SEL1L: variants seen among roughly 807,000 people sequenced by gnomAD.
SEL1L encodes SEL1L adaptor subunit of SYVN1 ubiquitin ligase, also known as protein sel-1 homolog 1.
SEL1L carries 52 observed loss-of-function variants against 109.8 expected under a neutral mutation model. That is an observed-to-expected ratio of 0.47 (90% CI 0.38 to 0.60). The LOEUF (loss-of-function observed/expected upper bound fraction) is 0.60, where lower values mean the gene tolerates loss of function less well. SEL1L is among the 20% of genes least tolerant of loss of function. The pLI is 0.00. For synonymous variants in SEL1L, 373 were observed against 339.6 expected (o/e 1.10, Z -1.08); for missense variants, 749 against 962.2 (o/e 0.78, Z 2.93).
chr14:81,491,629 CCTTA>C (rs1260305903), intron 12 of SEL1L, among the ~76,000 whole-genome samples: 2 of 152,144 alleles, frequency 1.3e-5, no homozygotes, highest in African/African-American at 2.4e-5. Context: ...ATCTAAACTT[CCTTA>C]CTTTAGGATT....
chr14:81,527,178 C>A (rs1360730897), intron 2 of SEL1L, among the ~76,000 whole-genome samples: 1 of 152,098 alleles, frequency 6.6e-6, no homozygotes, highest in African/African-American at 2.4e-5. Flanking sequence ...GATGTTACTT[C>A]CCCCAGAAGC....
intron 8 of SEL1L, 120 bp from the exon 9 acceptor site, chr14:81,498,614 C>T: frequency 1.5e-6 from 1 of 683,620 alleles, no homozygotes; most frequent in East Asian, 2.7e-5. Context: ...AGTACACTAA[C>T]ACCTTATTTA....
intron 19 of SEL1L, among the ~76,000 whole-genome samples, chr14:81,483,359 T>C (rs1903418414): frequency 6.6e-6 from 1 of 152,240 alleles, no homozygotes; most frequent in Admixed American, 6.5e-5. Flanking sequence ...CAACTGTGAC[T>C]AGTAATATCT....
rs1403449816 is a variant in SEL1L, at chr14:81,472,838, A to C, written c.*4134T>G. 2 of 231,052 alleles carry C rather than the reference A, an allele frequency of 8.7e-6. No homozygotes were observed. Among genetic ancestry groups the C allele is most frequent in the Non-Finnish European group, 1.7e-5 (2 of 115,094 alleles). The allele number at this position is 231,052 out of a possible 1,614,324, so 14.3% of individuals were successfully genotyped here. On this transcript the variant is annotated 3_prime_UTR_variant, in exon 21 of 21. Transcript: ENST00000336735. Reference sequence around the variant, plus strand: ...TTCAGAAGCTTCTGAATTTCCAAAAAACATTAAAAAATTGAATCATTCAGC... The same window carrying C: ...TTCAGAAGCTTCTGAATTTCCAAAACACATTAAAAAATTGAATCATTCAGC...
intron 3 of SEL1L, among the ~76,000 whole-genome samples, chr14:81,510,276 G>C (rs141317847): frequency 5.2e-4 from 79 of 152,312 alleles, no homozygotes; most frequent in African/African-American, 1.8e-3. Flanking sequence ...AACAGGAAGA[G>C]AGAAAGGGAA....
rs1018828478 is a variant in SEL1L at position 81,473,389 on chromosome 14, G to A, written c.*3583C>T. On this transcript the variant is annotated 3_prime_UTR_variant, in exon 21 of 21. Coordinates refer to ENST00000336735, the MANE Select transcript of SEL1L (RefSeq NM_005065.6). ...AATTTTCTTGAAATACCAAGTGGGT[G>A]GAGAGCTTCTTTTCAATGAATACCA... is the stretch of plus-strand genomic sequence containing the variant. 6.6e-6 allele frequency: 1 copy of A among 152,170 alleles called. No individual in the cohort carries two copies. The highest frequency in any genetic ancestry group is 1.5e-5 in the Non-Finnish European group (1 of 68,024). 9.4% of individuals were successfully genotyped at this position (152,170 alleles called of 1,614,324 possible).
At chr14:81,498,212 G>A (rs1883854523) in intron 9 of SEL1L, 166 bp from the exon 10 acceptor site, 18 of 857,562 alleles carry the variant, frequency 2.1e-5, no homozygotes, top group Non-Finnish European at 3.1e-5. Context: ...TTAATAAATT[G>A]AACTTTTTTC....
intron 3 of SEL1L, among the ~76,000 whole-genome samples, chr14:81,510,512 CTCTATA>C (rs1418094018): frequency 3.0e-3 from 319 of 106,712 alleles, no homozygotes; most frequent in East Asian, 7.4e-3. Context: ...CTCTCTCTCT[CTCTATA>C]TATATATATA....
intron 3 of SEL1L, among the ~76,000 whole-genome samples, chr14:81,516,118 C>T (rs565115018): frequency 6.6e-6 from 1 of 152,316 alleles, no homozygotes; most frequent in East Asian, 1.9e-4. Context: ...CCCCAGAGGA[C>T]AAAGGTTCTC....
chr14:81,533,162 T>C (rs1417249846), intron 1 of SEL1L, among the ~76,000 whole-genome samples: 2 of 152,200 alleles, frequency 1.3e-5, no homozygotes, highest in South Asian at 4.1e-4. Context: ...GTGGCTACGA[T>C]GAGATCAAAA....
At chr14:81,503,261 G>A (rs567428407) in intron 5 of SEL1L, among the ~76,000 whole-genome samples, 3 of 152,316 alleles carry the variant, frequency 2.0e-5, no homozygotes, top group Admixed American at 2.0e-4. Context: ...ACAGGCGTGA[G>A]CCACCACGCC....
chr14:81,498,482 A>G lies in SEL1L; in HGVS notation c.904T>C (p.Trp302Arg). 6.2e-7 allele frequency: 1 copy of G among 1,613,970 alleles called. No homozygotes were observed. The highest frequency in any genetic ancestry group is 1.1e-5 in the South Asian group (1 of 91,068). The stretch of plus-strand genomic sequence containing the variant: ...CTCTGGAGGACGCCGATGCCAGCCC[A>G]GTATCTGTAACCCTGTAAAACAACT... ...IAHMVLGYRY[W>R]AGIGVLQSCE... is the part of the protein sequence containing the mutation. Residue 302 changes from tryptophan to arginine, a missense_variant, in exon 9 of 21, where the codon TGG becomes CGG. Physicochemically the swap from Trp to Arg is moderately radical, Grantham distance 101. Around this residue, in one of 2 missense-constraint regions of SEL1L, gnomAD observed 366 missense variants for 399.8 expected, o/e 0.92. Coordinates refer to ENST00000336735, the MANE Select transcript of SEL1L (RefSeq NM_005065.6).
chr14:81,501,390 A>T (rs1212132746), intron 6 of SEL1L, among the ~76,000 whole-genome samples: 1 of 152,230 alleles, frequency 6.6e-6, no homozygotes. Flanking sequence ...TGCCTTATAA[A>T]GTAAAACCGT....
At chr14:81,513,154 C>T (rs140789107) in intron 3 of SEL1L, among the ~76,000 whole-genome samples, 7 of 152,120 alleles carry the variant, frequency 4.6e-5, no homozygotes, top group African/African-American at 1.4e-4. Flanking sequence ...GGTTTGTAAA[C>T]GCACCAATCA....
At chr14:81,490,560 A>C in intron 12 of SEL1L, 95 bp from the exon 13 acceptor site, 12 of 965,768 alleles carry the variant, frequency 1.2e-5, no homozygotes, top group South Asian at 2.9e-5. Flanking sequence ...GTCAGATCTC[A>C]TTAAATCTTT....
In SEL1L at chr14:81,526,923, A is replaced by G. The variant is rs1177332235; in HGVS notation, c.150T>C (p.Thr50=). The G allele has an allele frequency of 6.2e-7, 1 of 1,605,548 alleles. No individual in the cohort carries two copies. The highest frequency in any genetic ancestry group is 1.3e-5 in the African/African-American group (1 of 74,350). ...TTTGACCAGCAACTACTCTGCCTGC[A>G]GTAGTATGGTCCTTTACTGACTCAT... ...TSDESVKDHT[T]AGRVVAGQIF... is the part of the protein sequence containing the mutation. The change falls in exon 3 of 21, where the codon ACT becomes ACC. Residue 50 remains threonine, a synonymous_variant. Transcript: ENST00000336735.
intron 18 of SEL1L, among the ~76,000 whole-genome samples, chr14:81,485,283 T>G (rs1903482806): frequency 6.6e-6 from 1 of 152,226 alleles, no homozygotes; most frequent in South Asian, 2.1e-4. Context: ...AATTAATTAT[T>G]TTATTGTTTT....
intron 3 of SEL1L, among the ~76,000 whole-genome samples, chr14:81,509,208 C>T (rs1469510377): frequency 6.6e-6 from 1 of 152,182 alleles, no homozygotes; most frequent in Non-Finnish European, 1.5e-5. Flanking sequence ...ACAGAAACTC[C>T]TCACAATAGT....
chr14:81,498,322 A>G, intron 9 of SEL1L, 91 bp downstream of exon 9: 4 of 1,090,638 alleles, frequency 3.7e-6, no homozygotes, highest in Non-Finnish European at 5.3e-6. Flanking sequence ...GCCATTTATA[A>G]TACTTCAAAT....
Sources: gnomAD v4.1 joint callset for allele counts (sites outside exome capture counted in the v4.1 genomes callset) on GRCh38, gnomAD v4.1.1 for gene constraint, gnomAD v4.1.1 regional missense constraint, MANE v1.5 for transcripts, NCBI Gene and HGNC (gene_info 2026-07-23, HGNC 2026-07-21) for gene names.